Variants in SEMA6D observed in about 807,000 individuals in gnomAD.
SEMA6D encodes semaphorin-6D.
Under a neutral mutation model 106.6 loss-of-function variants are expected in SEMA6D, and 35 were observed. The ratio of observed to expected loss-of-function variants is 0.33; its 90% confidence interval spans 0.25 to 0.44. SEMA6D has a LOEUF of 0.44. Among genes scored for constraint, SEMA6D ranks in the 20% least tolerant of loss-of-function variants. The pLI is 1.00. For missense variants in SEMA6D, 1,185 were observed against 1,345.9 expected (o/e 0.88, Z 1.87); for synonymous variants, 499 against 487.7 (o/e 1.02, Z -0.31).
intron 1 of SEMA6D, among the ~76,000 whole-genome samples, chr15:47,753,538 C>CA (rs1387114494): frequency 6.6e-6 from 1 of 152,174 alleles, no homozygotes; most frequent in Non-Finnish European, 1.5e-5. Flanking sequence ...CAGAAAAGAA[C>CA]AGTTAGTGGG....
chr15:47,613,233 T>C (rs1221380428), intron 4 of SEMA6D, among the ~76,000 whole-genome samples: 1 of 152,190 alleles, frequency 6.6e-6, no homozygotes, highest in Admixed American at 6.5e-5. Context: ...ACACCTTCAA[T>C]TGGTGGAAGG....
At chr15:47,232,802 G>A (rs903730202) in intron 1 of SEMA6D, among the ~76,000 whole-genome samples, 11 of 151,824 alleles carry the variant, frequency 7.2e-5, no homozygotes, top group Non-Finnish European at 1.3e-4. Flanking sequence ...TTGTTGAGCT[G>A]TAAGGGCTAT....
At chr15:47,410,054 A>C (rs918317033) in intron 1 of SEMA6D, among the ~76,000 whole-genome samples, 1 of 152,088 alleles carries the variant, frequency 6.6e-6, no homozygotes, top group Non-Finnish European at 1.5e-5. Flanking sequence ...GGCTCACTGC[A>C]GCCTCAACCT....
chr15:47,244,524 C>T (rs1310221556), intron 1 of SEMA6D, among the ~76,000 whole-genome samples: 1 of 152,056 alleles, frequency 6.6e-6, no homozygotes, highest in Non-Finnish European at 1.5e-5. Flanking sequence ...TATTATTACT[C>T]TCATTATACA....
chr15:47,740,080 T>C (rs1204344089), intron 1 of SEMA6D, among the ~76,000 whole-genome samples: 1 of 152,158 alleles, frequency 6.6e-6, no homozygotes, highest in African/African-American at 2.4e-5. Context: ...GCTTTTCCAT[T>C]GGTTTATATG....
chr15:47,212,835 T>C (rs888625673), intron 1 of SEMA6D, among the ~76,000 whole-genome samples: 12 of 151,826 alleles, frequency 7.9e-5, no homozygotes, highest in African/African-American at 2.9e-4. Context: ...AATCTTTTCC[T>C]GCCTCTGCTG....
intron 1 of SEMA6D, among the ~76,000 whole-genome samples, chr15:47,347,966 G>T (rs1157387842): frequency 6.6e-6 from 1 of 152,066 alleles, no homozygotes; most frequent in Non-Finnish European, 1.5e-5. Context: ...TTGCATAAAT[G>T]CTTCCATACT....
At chr15:47,439,712 A>G (rs2041826547) in intron 2 of SEMA6D, among the ~76,000 whole-genome samples, 2 of 152,062 alleles carry the variant, frequency 1.3e-5, no homozygotes. Flanking sequence ...CCTAATTTCC[A>G]CCCTGTGGGT....
In SEMA6D at chr15:47,462,626, G is replaced by A. The variant is rs148163809; in HGVS notation, c.-158-7848G>A. 7.3e-3 allele frequency among the ~76,000 whole-genome samples: 1,108 copies of A among 152,044 alleles called. 20 individuals carry two copies. Among genetic ancestry groups the A allele is most frequent in the African/African-American group, 0.025 (1,047 of 41,500 alleles). On this transcript the variant is annotated intron_variant, in intron 2 of 19. Transcript: ENST00000558014. Reference sequence around the variant, plus strand: ...TAGAGTTAAAACTACTAGGTTCTTCGGATTTTCAGATAGAAACAAAAACAC... The same window carrying A: ...TAGAGTTAAAACTACTAGGTTCTTCAGATTTTCAGATAGAAACAAAAACAC...
Position 47,646,733 on chromosome 15 carries a change from A to G in SEMA6D, c.-55+45837A>G, listed in dbSNP as rs75569407. ...AACTTTAGGAAAAAAGTGGAAGGAA[A>G]TGACTGCTTGTGTGCATAGGACTGG... On this transcript the variant is annotated intron_variant, in intron 4 of 19. Transcript: ENST00000558014. Among the ~76,000 whole-genome samples, 152 of 152,330 alleles carry G rather than the reference A, an allele frequency of 1.0e-3. 4 individuals are homozygous for G. The East Asian group carries it at 0.025, about 25-fold the overall frequency.
chr15:47,265,953 C>G (rs921472509), intron 1 of SEMA6D, among the ~76,000 whole-genome samples: 1 of 152,082 alleles, frequency 6.6e-6, no homozygotes, highest in African/African-American at 2.4e-5. Context: ...TTCTTAAACA[C>G]GCTTAGTCTT....
At chr15:47,222,146 A>C (rs1281181759) in intron 1 of SEMA6D, among the ~76,000 whole-genome samples, 1 of 152,206 alleles carries the variant, frequency 6.6e-6, no homozygotes, top group African/African-American at 2.4e-5. Context: ...CTGTTTGACC[A>C]GGGAATCCAT....
At chr15:47,365,914 AGAGAGAGAGAAAAGAAAGAAAGAG>A (rs1476370826) in intron 1 of SEMA6D, among the ~76,000 whole-genome samples, 20 of 147,086 alleles carry the variant, frequency 1.4e-4, no homozygotes, top group South Asian at 4.3e-4. Flanking sequence ...AGAGAGAGAG[AGAGAGAGAGAAAAGAAAGAAAGAG>A]AAAGAAAGAA....
At chr15:47,242,740 G>A (rs371703726) in intron 1 of SEMA6D, among the ~76,000 whole-genome samples, 33 of 152,148 alleles carry the variant, frequency 2.2e-4, no homozygotes, top group African/African-American at 7.0e-4. Flanking sequence ...TATTATTTCC[G>A]ATTATAAAAG....
chr15:47,616,026 A>G (rs1448930294), intron 4 of SEMA6D, among the ~76,000 whole-genome samples: 2 of 152,224 alleles, frequency 1.3e-5, no homozygotes, highest in African/African-American at 2.4e-5. Context: ...CCTGTAAATT[A>G]GCTGCATCCA....
chr15:47,227,510 C>G (rs1425132571), intron 1 of SEMA6D, among the ~76,000 whole-genome samples: 1 of 117,998 alleles, frequency 8.5e-6, no homozygotes, highest in Admixed American at 9.0e-5. Context: ...TTCTTTGTTT[C>G]TCTTCTTTTT....
intron 1 of SEMA6D, among the ~76,000 whole-genome samples, chr15:47,268,154 T>G (rs1367720057): frequency 3.3e-5 from 5 of 152,126 alleles, no homozygotes; most frequent in African/African-American, 7.2e-5. Flanking sequence ...CTGCTGAAAC[T>G]TTATTGCACA....
chr15:47,266,617 G>C (rs2034330553), intron 1 of SEMA6D, among the ~76,000 whole-genome samples: 1 of 152,042 alleles, frequency 6.6e-6, no homozygotes, highest in Admixed American at 6.6e-5. Flanking sequence ...TAGAGGCTGG[G>C]CAGAAGAAGG....
intron 3 of SEMA6D, among the ~76,000 whole-genome samples, chr15:47,528,872 C>T (rs982357170): frequency 1.3e-5 from 2 of 152,180 alleles, no homozygotes; most frequent in African/African-American, 2.4e-5. Flanking sequence ...ATAACTGACT[C>T]TCCAAAAACA....
Sources: gnomAD v4.1 joint callset for allele counts (sites outside exome capture counted in the v4.1 genomes callset) on GRCh38, gnomAD v4.1.1 for gene constraint, MANE v1.5 for transcripts, NCBI Gene and HGNC (gene_info 2026-07-23, HGNC 2026-07-21) for gene names.